C20orf96: variants seen among roughly 807,000 people sequenced by gnomAD.
C20orf96 encodes chromosome 20 open reading frame 96.
C20orf96 carries 57 observed loss-of-function variants against 52.6 expected under a neutral mutation model. The ratio of observed to expected loss-of-function variants is 1.08; its 90% CI spans 0.88 to 1.35. The LOEUF is 1.35. Ranked by LOEUF, C20orf96 falls within the 40% of genes most tolerant of loss-of-function variation. C20orf96 has a pLI of 0.00. For missense variants in C20orf96, 478 were observed against 443.6 expected (o/e 1.08, Z -0.70); for synonymous variants, 168 against 157.2 (o/e 1.07, Z -0.51).
chr20:271,001 G>C lies in C20orf96; in HGVS notation c.*206C>G, dbSNP rs913240777. On this transcript the variant is annotated 3_prime_UTR_variant, in exon 11 of 11. Transcript: ENST00000360321. The stretch of plus-strand genomic sequence containing the variant: ...CAGGAAGAAAGAAAGGAGGGAGGGA[G>C]GGAGAGGAGGAAGGAAGGAGGAGGG... 1 of 541,562 alleles carries C rather than the reference G, an allele frequency of 1.8e-6. No individual in the cohort carries two copies. The highest frequency in any genetic ancestry group is 3.5e-5 in the Admixed American group (1 of 28,546). 33.5% of individuals were successfully genotyped at this position (541,562 alleles called of 1,614,324 possible).
At position 272,290 on chromosome 20, in the gene C20orf96, A is replaced by G. The variant is rs533540705; in HGVS notation, c.1032-1023T>C. ...CTCTGAGGTCTACACTCATCTTGTC[A>G]ATTGCCCACCCAATGACTCCACCTT... is the stretch of plus-strand genomic sequence containing the variant. On this transcript the variant is annotated intron_variant, in intron 10 of 10. Coordinates refer to ENST00000360321, the MANE Select transcript of C20orf96 (RefSeq NM_153269.3). 2.0e-5 allele frequency among the ~76,000 whole-genome samples: 3 copies of G among 152,258 alleles called. No individual in the cohort carries two copies. In the East Asian group the frequency reaches 5.8e-4, roughly 29 times the overall value.
In C20orf96 at chr20:277,378, C is replaced by G. The variant is rs1390545330; in HGVS notation, c.571G>C (p.Glu191Gln). ...GCATTCAGCTGCTCTGCCTGCTGCTCAAGATCTGGGGAGGGGTTAGGGAGG... is the reference window on the plus strand; with the variant it reads ...GCATTCAGCTGCTCTGCCTGCTGCTGAAGATCTGGGGAGGGGTTAGGGAGG... ...EKKKCKMSYL[E>Q]QQAEQLNAKI... The change falls in exon 7 of 11, where the codon GAG (glutamate) becomes CAG (glutamine). Residue 191 changes from glutamate to glutamine, a missense_variant. Transcript: ENST00000360321. 6.2e-7 allele frequency: 1 copy of G among 1,613,748 alleles called. No individual in the cohort carries two copies. Among genetic ancestry groups the G allele is most frequent in the East Asian group, 2.2e-5 (1 of 44,866 alleles).
At chr20:272,976 C>T (rs1387552107) in intron 10 of C20orf96, among the ~76,000 whole-genome samples, 1 of 152,204 alleles carries the variant, frequency 6.6e-6, no homozygotes, top group Non-Finnish European at 1.5e-5. Context: ...CATCCCCATG[C>T]TCTTTTCTTT....
intron 10 of C20orf96, among the ~76,000 whole-genome samples, chr20:272,393 G>T (rs1218418288): frequency 1.3e-5 from 2 of 152,070 alleles, no homozygotes; most frequent in South Asian, 2.1e-4. Flanking sequence ...TTGAGACATG[G>T]TCTCACTCGG....
chr20:289,649 G>T lies in C20orf96; in HGVS notation c.97C>A (p.Gln33Lys). ...PDYVPWQQSK[Q>K]ETKPSTLPPV... ...GGCAGAGTAGATGGCTTGGTTTCCT[G>T]CTTGGACTGCTGCCATGGAACATAA... Residue 33 changes from glutamine to lysine, a missense_variant, in exon 3 of 11, where the codon CAG becomes AAG. Coordinates refer to ENST00000360321, the MANE Select transcript of C20orf96 (RefSeq NM_153269.3). 1 of 1,613,888 alleles carries T rather than the reference G, an allele frequency of 6.2e-7. No individual in the cohort carries two copies. Among genetic ancestry groups the T allele is most frequent in the Non-Finnish European group, 8.5e-7 (1 of 1,179,832 alleles).
intron 10 of C20orf96, among the ~76,000 whole-genome samples, chr20:271,594 A>G (rs760849553): frequency 1.3e-5 from 2 of 152,192 alleles, no homozygotes; most frequent in Non-Finnish European, 2.9e-5. Flanking sequence ...AGGGCCCTCA[A>G]GATGATCACT....
rs187054686 is a variant in C20orf96, at chr20:279,049, A to C, written c.465+123T>G. ...GAGGGAGGGCGGGACGGAGGGCGGG[A>C]GGGCGGGACGGAGGGAGGGAGGGAG... On this transcript the variant is annotated intron_variant, in intron 5 of 10. Coordinates refer to ENST00000360321, the MANE Select transcript of C20orf96 (RefSeq NM_153269.3). The C allele has an allele frequency of 2.8e-4, 55 of 194,322 alleles. 4 individuals carry two copies. The highest frequency in any genetic ancestry group is 7.7e-4 in the African/African-American group (7 of 9,058). The allele number at this position is 194,322 out of a possible 1,614,324, so 12.0% of individuals were successfully genotyped here.
intron 4 of C20orf96, 143 bp downstream of exon 4, chr20:283,820 C>G (rs953706613): frequency 1.6e-6 from 1 of 628,202 alleles, no homozygotes; most frequent in East Asian, 2.7e-5. Context: ...AAAATAGGAA[C>G]AAGGATAAGC....
chr20:271,102 T>G lies in C20orf96; in HGVS notation c.*105A>C. 1 of 932,146 alleles carries G rather than the reference T, an allele frequency of 1.1e-6. No individual in the cohort carries two copies. The highest frequency in any genetic ancestry group is 1.4e-5 in the South Asian group (1 of 69,664). The allele number at this position is 932,146 out of a possible 1,614,324, so 57.7% of individuals were successfully genotyped here. A position where few individuals can be genotyped will look rare whatever the true frequency, so the allele number is the denominator to read the frequency against. ...GGAAGGGCAGAGGGAGCAGGGAGACTGTAGATCAGGGTCTGAATGGAGATC... is the reference window on the plus strand; with the variant it reads ...GGAAGGGCAGAGGGAGCAGGGAGACGGTAGATCAGGGTCTGAATGGAGATC... On this transcript the variant is annotated 3_prime_UTR_variant, in exon 11 of 11. Transcript: ENST00000360321.
At position 279,053 on chromosome 20, in the gene C20orf96, CGGGACGGA is replaced by C. The variant is rs1568491355; in HGVS notation, c.465+111_465+118del. 25 of 102,904 alleles carry C rather than the reference CGGGACGGA, an allele frequency of 2.4e-4. 3 individuals carry two copies. The highest frequency in any genetic ancestry group is 3.2e-4 in the Non-Finnish European group (22 of 69,338). 6.4% of individuals were successfully genotyped at this position (102,904 alleles called of 1,614,324 possible). On this transcript the variant is annotated intron_variant, in intron 5 of 10. Coordinates refer to ENST00000360321, the MANE Select transcript of C20orf96 (RefSeq NM_153269.3). ...GAGGGCGGGACGGAGGGCGGGAGGG[CGGGACGGA>C]GGGAGGGAGGGAGGGAGGGACGGAG...
chr20:285,891 A>G (rs548202914), intron 3 of C20orf96, among the ~76,000 whole-genome samples: 36 of 152,280 alleles, frequency 2.4e-4, no homozygotes, highest in African/African-American at 8.4e-4. Flanking sequence ...CCATATTTAG[A>G]AGTTTAAGTA....
At chr20:288,101 T>C (rs1313190932) in intron 3 of C20orf96, among the ~76,000 whole-genome samples, 1 of 151,366 alleles carries the variant, frequency 6.6e-6, no homozygotes, top group African/African-American at 2.4e-5. Flanking sequence ...ATTTTACATT[T>C]AATTTCTATT....
In C20orf96 at chr20:278,362, T is replaced by C; in HGVS notation, c.533A>G (p.Glu178Gly). ...RLQQLKSELQEWEEKKKCKMS... is the reference protein window; with the variant it reads ...RLQQLKSELQGWEEKKKCKMS... ...CTTGCATTTCTTCTTTTCTTCCCAC[T>C]CCTGAAGCTCAGATTTCAATTGCTG... The change falls in exon 6 of 11, where the codon GAG becomes GGG. Residue 178 changes from glutamate to glycine, a missense_variant. Transcript: ENST00000360321. 1 of 1,613,976 alleles carries C rather than the reference T, an allele frequency of 6.2e-7. No individual in the cohort carries two copies. Among genetic ancestry groups the C allele is most frequent in the South Asian group, 1.1e-5 (1 of 91,080 alleles).
intron 4 of C20orf96, among the ~76,000 whole-genome samples, chr20:282,062 C>T (rs1026764206): frequency 1.4e-4 from 21 of 152,218 alleles, no homozygotes; most frequent in Admixed American, 1.0e-3. Flanking sequence ...CTCCTAGCCA[C>T]TCCACTACCT....
At chr20:283,015 A>G (rs2012291217) in intron 4 of C20orf96, among the ~76,000 whole-genome samples, 1 of 152,240 alleles carries the variant, frequency 6.6e-6, no homozygotes, top group South Asian at 2.1e-4. Context: ...TGTTCTTTAT[A>G]TAGTAGTCAT....
chr20:287,152 A>T (rs1171739788), intron 3 of C20orf96, among the ~76,000 whole-genome samples: 1 of 152,214 alleles, frequency 6.6e-6, no homozygotes, highest in Non-Finnish European at 1.5e-5. Context: ...TGTGAATATA[A>T]GTTTTCATTT....
rs1486954796 is a variant in C20orf96, at chr20:290,355, G to A, written c.21-48C>T. 3.1e-6 allele frequency: 5 copies of A among 1,604,190 alleles called. No homozygotes were observed. The African/African-American group carries it at 6.7e-5, about 21-fold the overall frequency. On this transcript the variant is annotated intron_variant, in intron 1 of 10. Transcript: ENST00000360321. ...AGAACTTCCATTATCCCCAGCCCAA[G>A]GGGCAGCAAGCAGCAATTCGAAACA...
chr20:275,689 C>T (rs1410186398), intron 10 of C20orf96, among the ~76,000 whole-genome samples: 1 of 152,238 alleles, frequency 6.6e-6, no homozygotes, highest in Non-Finnish European at 1.5e-5. Context: ...AGGCTGTACC[C>T]ACTTGGTTGA....
intron 6 of C20orf96, among the ~76,000 whole-genome samples, chr20:277,737 T>A (rs2012078143): frequency 6.6e-6 from 1 of 151,864 alleles, no homozygotes; most frequent in Admixed American, 6.6e-5. Context: ...GCAGATGGGG[T>A]GACAGTGGCT....
Sources: gnomAD v4.1 joint callset for allele counts (sites outside exome capture counted in the v4.1 genomes callset) on GRCh38, gnomAD v4.1.1 for gene constraint, MANE v1.5 for transcripts, NCBI Gene and HGNC (gene_info 2026-07-23, HGNC 2026-07-21) for gene names.